The following GPC6 variants were observed in gnomAD, a reference collection of about 807,000 sequenced individuals.
GPC6 encodes the protein glypican-6.
Under a neutral mutation model 55.2 loss-of-function variants are expected in GPC6, and 14 were observed. That is an observed-to-expected ratio of 0.25 (90% CI 0.17 to 0.40). The LOEUF is 0.40. GPC6 is among the 10% of genes least tolerant of loss of function. The pLI, the probability that GPC6 is intolerant of heterozygous loss-of-function variation, is 1.00. For missense variants in GPC6, 641 were observed against 708.5 expected, an observed-to-expected ratio of 0.90 and a Z score of 1.08; for synonymous variants, 278 against 259.6, an observed-to-expected ratio of 1.07 and a Z score of -0.68.
chr13:93,561,444 T>TTCTA (rs1370588709), intron 2 of GPC6, among the ~76,000 whole-genome samples: 1 of 148,578 alleles, frequency 6.7e-6, no homozygotes, highest in East Asian at 1.9e-4. Context: ...AGTTCTTATA[T>TTCTA]TCTAATACTG....
At chr13:94,189,855 A>G (rs1889326414) in intron 4 of GPC6, among the ~76,000 whole-genome samples, 1 of 151,972 alleles carries the variant, frequency 6.6e-6, no homozygotes, top group African/African-American at 2.4e-5. Context: ...CGCCGTCTCT[A>G]CTAAAAATAC....
intron 3 of GPC6, among the ~76,000 whole-genome samples, chr13:93,952,913 A>C (rs1220959370): frequency 6.7e-6 from 1 of 149,124 alleles, no homozygotes; most frequent in Non-Finnish European, 1.5e-5. Context: ...ATATATGTAT[A>C]TATATACACG....
At chr13:93,698,105 T>G (rs773161148) in intron 2 of GPC6, among the ~76,000 whole-genome samples, 2 of 152,128 alleles carry the variant, frequency 1.3e-5, no homozygotes, top group Non-Finnish European at 2.9e-5. Context: ...TCATCCAAAC[T>G]TAACTTCTCT....
chr13:94,032,758 C>T (rs1883189515), intron 4 of GPC6, among the ~76,000 whole-genome samples: 1 of 152,180 alleles, frequency 6.6e-6, no homozygotes, highest in Non-Finnish European at 1.5e-5. Flanking sequence ...AGACCAGACA[C>T]ACCAGTGATA....
At chr13:93,711,527 G>T (rs1883062868) in intron 2 of GPC6, among the ~76,000 whole-genome samples, 1 of 151,676 alleles carries the variant, frequency 6.6e-6, no homozygotes, top group Non-Finnish European at 1.5e-5. Context: ...CCAGCATAAT[G>T]TCATGGTATA....
chr13:93,857,685 A>G (rs892613946), intron 3 of GPC6, among the ~76,000 whole-genome samples: 1 of 151,612 alleles, frequency 6.6e-6, no homozygotes, highest in African/African-American at 2.4e-5. Context: ...TGCTTTCTGA[A>G]CACATTGTTT....
intron 1 of GPC6, among the ~76,000 whole-genome samples, chr13:93,285,160 G>A (rs987904109): frequency 6.6e-6 from 1 of 152,116 alleles, no homozygotes; most frequent in African/African-American, 2.4e-5. Context: ...TGTTATGCAC[G>A]TTAGTCTTTA....
rs577513084 is a variant in GPC6 at position 93,580,131 on chromosome 13, G to A, written c.319+34710G>A. ...GCTGGTGCAAGTCCAAGATCAAGGCGCATGCAGATTCAAAGTCTGATGAGG... is the reference window on the plus strand; with the variant it reads ...GCTGGTGCAAGTCCAAGATCAAGGCACATGCAGATTCAAAGTCTGATGAGG... On this transcript the variant is annotated intron_variant, in intron 2 of 8. Coordinates refer to ENST00000377047, the MANE Select transcript of GPC6 (RefSeq NM_005708.5). Among the ~76,000 whole-genome samples the A allele has an allele frequency of 5.3e-5, 8 of 152,218 alleles. No individual in the cohort carries two copies. The South Asian group carries it at 8.3e-4, about 16-fold the overall frequency.
chr13:93,625,268 C>T (rs1336573714), intron 2 of GPC6, among the ~76,000 whole-genome samples: 1 of 151,972 alleles, frequency 6.6e-6, no homozygotes, highest in Non-Finnish European at 1.5e-5. Flanking sequence ...ATTTTTCTGC[C>T]CTATTTTCCA....
intron 3 of GPC6, among the ~76,000 whole-genome samples, chr13:93,874,740 T>C (rs1420702032): frequency 6.6e-6 from 1 of 151,680 alleles, no homozygotes; most frequent in Non-Finnish European, 1.5e-5. Flanking sequence ...CTTGTTGTTA[T>C]TCCCACCTGG....
chr13:94,211,352 T>G (rs1467998284), intron 4 of GPC6, among the ~76,000 whole-genome samples: 1 of 152,160 alleles, frequency 6.6e-6, no homozygotes, highest in Non-Finnish European at 1.5e-5. Context: ...CCTGAAGATT[T>G]ATGTATCAGG....
chr13:93,425,917 G>A (rs578063330), intron 1 of GPC6, among the ~76,000 whole-genome samples: 7 of 152,170 alleles, frequency 4.6e-5, no homozygotes, highest in East Asian at 3.9e-4. Flanking sequence ...TGCAGCCCAC[G>A]GCTTTATTTC....
chr13:93,847,972 T>C (rs948695558), intron 3 of GPC6, among the ~76,000 whole-genome samples: 4 of 152,144 alleles, frequency 2.6e-5, no homozygotes, highest in African/African-American at 9.7e-5. Context: ...CATGGATTTA[T>C]TGTGAGATTT....
rs1398806763 is a variant in GPC6 at position 94,297,055 on chromosome 13, A to G, written c.1009-8925A>G. Among the ~76,000 whole-genome samples, 3 of 152,116 alleles carry G rather than the reference A, an allele frequency of 2.0e-5. No homozygotes were observed. In the East Asian group the frequency reaches 5.8e-4, roughly 29 times the overall value. Reference sequence around the variant, plus strand: ...TTGTTACTGGCTTATGAAATTCCTAAAAACTTAACATGTAGTTGCATGGCC... The same window carrying G: ...TTGTTACTGGCTTATGAAATTCCTAGAAACTTAACATGTAGTTGCATGGCC... On this transcript the variant is annotated intron_variant, in intron 5 of 8. Coordinates refer to ENST00000377047, the MANE Select transcript of GPC6 (RefSeq NM_005708.5).
chr13:93,495,352 C>T (rs199710297), intron 1 of GPC6, among the ~76,000 whole-genome samples: 39,885 of 142,928 alleles, frequency 0.28, 5,984 homozygotes, highest in East Asian at 0.63. Flanking sequence ...ACGTAGTTCT[C>T]GAGCCTTGGT....
intron 2 of GPC6, among the ~76,000 whole-genome samples, chr13:93,827,509 G>A (rs1270784269): frequency 6.6e-6 from 1 of 152,138 alleles, no homozygotes; most frequent in Non-Finnish European, 1.5e-5. Context: ...CCTTGAGGTA[G>A]CAACATTTGT....
rs533547283 is a variant in GPC6, at chr13:93,666,739, A to G, written c.319+121318A>G. ...TTCTCACTCACTAAAATCATGTCAGAGTTAGATCAGCATTGTGTTAAAAGG... is the reference window on the plus strand; with the variant it reads ...TTCTCACTCACTAAAATCATGTCAGGGTTAGATCAGCATTGTGTTAAAAGG... On this transcript the variant is annotated intron_variant, in intron 2 of 8. Coordinates refer to ENST00000377047, the MANE Select transcript of GPC6 (RefSeq NM_005708.5). Among the ~76,000 whole-genome samples, 16 of 152,322 alleles carry G rather than the reference A, an allele frequency of 1.1e-4. No homozygotes were observed. The Middle Eastern group carries it at 0.01, about 97-fold the overall frequency.
intron 7 of GPC6, among the ~76,000 whole-genome samples, chr13:94,386,268 G>A (rs1352055818): frequency 1.3e-5 from 2 of 151,966 alleles, no homozygotes; most frequent in African/African-American, 4.8e-5. Context: ...GCTGAGGCAG[G>A]AGAATGGCAT....
intron 1 of GPC6, among the ~76,000 whole-genome samples, chr13:93,251,072 A>G (rs1876771258): frequency 6.6e-6 from 1 of 152,104 alleles, no homozygotes; most frequent in African/African-American, 2.4e-5. Context: ...GTATGGAGGA[A>G]ACCATCCCCA....
Sources: allele counts gnomAD v4.1 joint callset (sites outside exome capture counted in the v4.1 genomes callset), GRCh38; gene constraint gnomAD v4.1.1; transcripts MANE v1.5; gene names NCBI Gene and HGNC (gene_info 2026-07-23, HGNC 2026-07-21).